The following BRAP variants were observed in gnomAD, a reference collection of about 807,000 sequenced individuals.
BRAP encodes the protein BRCA1-associated protein.
BRAP carries 42 observed loss-of-function variants against 73.4 expected under a neutral mutation model. The ratio of observed to expected loss-of-function variants is 0.57; its 90% CI spans 0.45 to 0.74. The LOEUF is 0.74. BRAP is among the 30% of genes least tolerant of loss of function. BRAP has a pLI of 0.00. For missense variants in BRAP, 593 were observed against 751.4 expected, an observed-to-expected ratio of 0.79 and a Z score of 2.46; for synonymous variants, 255 against 267.4, an observed-to-expected ratio of 0.95 and a Z score of 0.45.
At chr12:111,669,299 G>A (rs574000687) in intron 5 of BRAP, among the ~76,000 whole-genome samples, 1 of 150,068 alleles carries the variant, frequency 6.7e-6, no homozygotes, top group East Asian at 2.0e-4. Flanking sequence ...GTGTGATCTT[G>A]GCTCACCGCA....
At chr12:111,654,306 T>G (rs1234197032) in intron 10 of BRAP, among the ~76,000 whole-genome samples, 2 of 151,980 alleles carry the variant, frequency 1.3e-5, no homozygotes, top group African/African-American at 4.8e-5. Context: ...TGCAGATCAT[T>G]TTAAAACTGA....
At position 111,675,505 on chromosome 12, in the gene BRAP, G is replaced by A. The variant is rs568323374; in HGVS notation, c.634-2731C>T. 7.4e-5 allele frequency among the ~76,000 whole-genome samples: 11 copies of A among 148,062 alleles called. No individual in the cohort carries two copies. The South Asian group carries it at 2.2e-3, about 30-fold the overall frequency. ...TTTCTGAGCATCTAGTATGTGCCAG[G>A]CCCTGTGCTATGTACTAGGTAGAGA... On this transcript the variant is annotated intron_variant, in intron 4 of 11. Coordinates refer to ENST00000419234, the MANE Select transcript of BRAP (RefSeq NM_006768.5).
chr12:111,656,908 T>A (rs566543727), intron 9 of BRAP, among the ~76,000 whole-genome samples: 6 of 151,950 alleles, frequency 3.9e-5, no homozygotes, highest in East Asian at 1.9e-4. Flanking sequence ...TAATTTTTTT[T>A]AAAATTTATT....
chr12:111,666,790 T>G (rs1251970299), intron 5 of BRAP, among the ~76,000 whole-genome samples: 1 of 152,140 alleles, frequency 6.6e-6, no homozygotes, highest in Non-Finnish European at 1.5e-5. Context: ...AAAAGCACAT[T>G]AACCTACAGT....
At chr12:111,671,838 A>G (rs1384848837) in intron 5 of BRAP, among the ~76,000 whole-genome samples, 1 of 151,846 alleles carries the variant, frequency 6.6e-6, no homozygotes, top group Non-Finnish European at 1.5e-5. Flanking sequence ...GGTGCTCAGC[A>G]TCACACCTGG....
intron 9 of BRAP, 121 bp from the exon 10 acceptor site, chr12:111,655,776 T>C (rs1374811088): frequency 1.3e-6 from 1 of 758,034 alleles, no homozygotes; most frequent in East Asian, 2.7e-5. Context: ...AGAATGTATA[T>C]TTACGCCCTG....
At chr12:111,667,617 T>C (rs1886993723) in intron 5 of BRAP, among the ~76,000 whole-genome samples, 1 of 143,780 alleles carries the variant, frequency 7.0e-6, no homozygotes, top group Non-Finnish European at 1.5e-5. Context: ...GAGAATTTCT[T>C]GAACCCAGGA....
At chr12:111,685,519 G>T in intron 1 of BRAP, 192 bp downstream of exon 1, 1 of 1,292,910 alleles carries the variant, frequency 7.7e-7, no homozygotes, top group Non-Finnish European at 1.0e-6. Flanking sequence ...GTTCGGGGCA[G>T]GGCTTCCCTG....
intron 5 of BRAP, among the ~76,000 whole-genome samples, chr12:111,667,949 C>T (rs1887020180): frequency 6.6e-6 from 1 of 151,412 alleles, no homozygotes; most frequent in African/African-American, 2.4e-5. Flanking sequence ...TGGCTCACAC[C>T]CGTAATCCCA....
intron 5 of BRAP, among the ~76,000 whole-genome samples, chr12:111,667,715 A>AAAAAAAAAAAAAAAAAAAAAAAAAAAAC: frequency 6.8e-6 from 1 of 146,842 alleles, no homozygotes; most frequent in Non-Finnish European, 1.5e-5. Context: ...AAAAAAAAAA[A>AAAAAAAAAAAAAAAAAAAAAAAAAAAAC]AAAAAAGCTC....
chr12:111,644,747 C>T (rs1293073532), intron 11 of BRAP, among the ~76,000 whole-genome samples, 185 bp from the exon 12 acceptor site: 1 of 152,104 alleles, frequency 6.6e-6, no homozygotes, highest in East Asian at 1.9e-4. Flanking sequence ...GAATTTTGCT[C>T]TACTTAACAC....
rs754820936 is a variant in BRAP at position 111,644,187 on chromosome 12, T to C, written c.*12A>G. The C allele has an allele frequency of 3.7e-6, 6 of 1,604,266 alleles. No homozygotes were observed. The highest frequency in any genetic ancestry group is 5.1e-6 in the Non-Finnish European group (6 of 1,177,976). ...GGGAGAACAGTCTCAGGGATGTCTG[T>C]TGCTCTGAAGGTCACTTGCCCCTCT... On this transcript the variant is annotated 3_prime_UTR_variant, in exon 12 of 12. Coordinates refer to ENST00000419234, the MANE Select transcript of BRAP (RefSeq NM_006768.5).
chr12:111,673,912 A>G (rs767089320), intron 4 of BRAP, among the ~76,000 whole-genome samples: 24 of 152,138 alleles, frequency 1.6e-4, no homozygotes, highest in Admixed American at 6.6e-4. Flanking sequence ...AGCAATGGAG[A>G]CGATTCCAGT....
intron 5 of BRAP, among the ~76,000 whole-genome samples, chr12:111,667,269 C>T (rs1001896665): frequency 6.6e-6 from 1 of 152,120 alleles, no homozygotes; most frequent in African/African-American, 2.4e-5. Flanking sequence ...ACTAAAAGAG[C>T]TCAGCGAGCA....
rs935763053 is a variant in BRAP at position 111,642,801 on chromosome 12, G to A, written c.*1398C>T. ...GTACATTCATTTTGCAACATTACACGTAAAGTTTTTTGGGAAATGCTGCAG... is the reference window on the plus strand; with the variant it reads ...GTACATTCATTTTGCAACATTACACATAAAGTTTTTTGGGAAATGCTGCAG... On this transcript the variant is annotated 3_prime_UTR_variant, in exon 12 of 12. Transcript: ENST00000419234. The A allele has an allele frequency of 2.0e-5, 3 of 152,044 alleles. No homozygotes were observed. The highest frequency in any genetic ancestry group is 6.6e-5 in the Admixed American group (1 of 15,234). The allele number at this position is 152,044 out of a possible 1,614,324, so 9.4% of individuals were successfully genotyped here. A position where few individuals can be genotyped will look rare whatever the true frequency, so the allele number is the denominator to read the frequency against.
At chr12:111,663,823 G>A (rs1886839765) in intron 6 of BRAP, among the ~76,000 whole-genome samples, 1 of 152,118 alleles carries the variant, frequency 6.6e-6, no homozygotes, top group African/African-American at 2.4e-5. Context: ...TGATTCTGAG[G>A]GCAAATGGCA....
At chr12:111,685,664 G>C (rs368382633) in intron 1 of BRAP, 47 bp downstream of exon 1, 498 of 1,569,372 alleles carry the variant, frequency 3.2e-4, no homozygotes, top group Non-Finnish European at 4.1e-4. Flanking sequence ...GAAGCCCTCC[G>C]GGCCCAGACC....
At chr12:111,652,275 G>A (rs1212656542) in intron 10 of BRAP, among the ~76,000 whole-genome samples, 4 of 152,126 alleles carry the variant, frequency 2.6e-5, no homozygotes, top group African/African-American at 9.6e-5. Context: ...CCAGGCTGGA[G>A]TGCAGTGGTG....
chr12:111,683,241 C>A lies in BRAP; in HGVS notation c.149G>T (p.Gly50Val), dbSNP rs1378982500. The A allele has an allele frequency of 6.2e-7, 1 of 1,614,120 alleles. No individual in the cohort carries two copies. Among genetic ancestry groups the A allele is most frequent in the East Asian group, 2.2e-5 (1 of 44,888 alleles). Residue 50 changes from glycine (G) to valine (V), a missense_variant, in exon 2 of 12, where the codon GGC becomes GTC. By Grantham distance (109) the Gly-to-Val change is moderately radical. Coordinates refer to ENST00000419234, the MANE Select transcript of BRAP (RefSeq NM_006768.5). The part of the protein sequence containing the change: ...TLASAVACLE[G>V]KSPGEKVAII... ...CGCTACTTTCTCTCCTGGTGACTTG[C>A]CTTCTAAACAGGCTACAGCTGAGGC... is the stretch of plus-strand genomic sequence containing the variant.
Sources: allele counts gnomAD v4.1 joint callset (sites outside exome capture counted in the v4.1 genomes callset), GRCh38; gene constraint gnomAD v4.1.1; transcripts MANE v1.5; gene names NCBI Gene and HGNC (gene_info 2026-07-23, HGNC 2026-07-21).